AGBL3: variants seen among roughly 807,000 people sequenced by gnomAD.
The protein encoded by AGBL3 is cytosolic carboxypeptidase 3.
A neutral mutation model predicts 94.5 loss-of-function variants in AGBL3; 68 were observed. The ratio of observed to expected loss-of-function variants is 0.72; its 90% CI spans 0.59 to 0.88. The LOEUF is 0.88. Ranked by LOEUF, AGBL3 falls within the 40% of genes least tolerant of loss-of-function variation. The pLI is 0.00. For missense variants in AGBL3, 934 were observed against 1,103.8 expected, an observed-to-expected ratio of 0.85 and a Z score of 2.18; for synonymous variants, 354 against 370.7, an observed-to-expected ratio of 0.95 and a Z score of 0.52.
rs527278360 is a variant in AGBL3, at chr7:135,127,338, C to T, written c.2343-7503C>T. ...TTGGGAGGCCAGGGTGGGTGGATCA[C>T]GAGGTCAGAATATCGAGACCATCCT... On this transcript the variant is annotated intron_variant, in intron 16 of 16. Transcript: ENST00000436302. Among the ~76,000 whole-genome samples, 85 of 151,756 alleles carry T rather than the reference C, an allele frequency of 5.6e-4. 1 individual carries two copies. In the South Asian group the frequency reaches 6.6e-3, roughly 12 times the overall value.
At chr7:135,059,476 A>G (rs929127278) in intron 12 of AGBL3, among the ~76,000 whole-genome samples, 1 of 152,256 alleles carries the variant, frequency 6.6e-6, no homozygotes, top group Non-Finnish European at 1.5e-5. Flanking sequence ...CTTAAAAGCC[A>G]TACAACTTGT....
chr7:135,053,561 C>T (rs988767165), intron 11 of AGBL3, among the ~76,000 whole-genome samples: 2 of 152,070 alleles, frequency 1.3e-5, no homozygotes, highest in Non-Finnish European at 2.9e-5. Context: ...GAGCTGAGAT[C>T]GTGCCATTGC....
intron 16 of AGBL3, among the ~76,000 whole-genome samples, chr7:135,126,771 G>T (rs1827931922): frequency 6.6e-6 from 1 of 152,184 alleles, no homozygotes; most frequent in Non-Finnish European, 1.5e-5. Context: ...AATGGGGAAA[G>T]GATTCCCTGT....
chr7:135,072,040 T>G (rs963903158), intron 12 of AGBL3, among the ~76,000 whole-genome samples: 2 of 152,040 alleles, frequency 1.3e-5, no homozygotes, highest in Non-Finnish European at 2.9e-5. Context: ...ATCCAAAATC[T>G]ACAATGAACT....
intron 4 of AGBL3, among the ~76,000 whole-genome samples, chr7:135,000,041 T>C (rs1811518763): frequency 1.3e-5 from 2 of 152,228 alleles, no homozygotes; most frequent in Admixed American, 6.5e-5. Flanking sequence ...AGAGACCTCC[T>C]GCACATGAAC....
At chr7:135,027,641 A>C (rs1165267591) in intron 5 of AGBL3, among the ~76,000 whole-genome samples, 2 of 151,588 alleles carry the variant, frequency 1.3e-5, no homozygotes, top group Non-Finnish European at 1.5e-5. Flanking sequence ...GGGCATTCTC[A>C]ATGAATATAG....
intron 15 of AGBL3, among the ~76,000 whole-genome samples, chr7:135,083,462 T>C (rs1421596480): frequency 1.3e-5 from 2 of 152,268 alleles, no homozygotes; most frequent in African/African-American, 4.8e-5. Context: ...ATTTCAAGAA[T>C]AGTAAAAAAA....
chr7:135,100,296 C>A (rs1823632467), intron 15 of AGBL3, among the ~76,000 whole-genome samples: 2 of 151,876 alleles, frequency 1.3e-5, no homozygotes, highest in South Asian at 4.2e-4. Flanking sequence ...GAGCACTGGT[C>A]ATGGGGGGAT....
At chr7:135,004,068 T>A (rs1455240715) in intron 4 of AGBL3, among the ~76,000 whole-genome samples, 2 of 151,730 alleles carry the variant, frequency 1.3e-5, no homozygotes, top group Non-Finnish European at 3.0e-5. Flanking sequence ...TGGCTTCTGG[T>A]TTAAAATAAA....
intron 11 of AGBL3, among the ~76,000 whole-genome samples, chr7:135,046,114 G>C (rs1049248483): frequency 6.6e-6 from 1 of 152,108 alleles, no homozygotes; most frequent in African/African-American, 2.4e-5. Context: ...GCTATGTACA[G>C]TGTACTGTGA....
chr7:135,057,081 A>G (rs569599044), intron 11 of AGBL3, among the ~76,000 whole-genome samples: 1 of 152,264 alleles, frequency 6.6e-6, no homozygotes, highest in South Asian at 2.1e-4. Flanking sequence ...TATATCCAAT[A>G]TATTTGTCAC....
intron 4 of AGBL3, among the ~76,000 whole-genome samples, chr7:135,014,889 T>C (rs1487268748): frequency 6.6e-6 from 1 of 152,230 alleles, no homozygotes; most frequent in Non-Finnish European, 1.5e-5. Context: ...CAGTGTTTTT[T>C]CACAGCTCGA....
At chr7:135,027,204 T>C (rs924784592) in intron 5 of AGBL3, among the ~76,000 whole-genome samples, 4 of 151,368 alleles carry the variant, frequency 2.6e-5, no homozygotes, top group Admixed American at 2.6e-4. Context: ...CGCACCACCA[T>C]GTTCGGCTAA....
Position 135,045,566 on chromosome 7 carries a change from C to T in AGBL3, c.1720C>T (p.Arg574Trp), listed in dbSNP as rs12112868. Residue 574 changes from arginine to tryptophan, a missense_variant, in exon 10 of 17, where the codon CGG becomes TGG. This residue lies in a region of AGBL3 where 441 missense variants were observed against 518.2 expected (regional missense o/e 0.85). Transcript: ENST00000436302. Reference sequence around the variant, plus strand: ...TCTCTTGGATTATTGTGATCCCGACCGGACCAAGGTAAGCAAAGTCCATTT... The same window carrying T: ...TCTCTTGGATTATTGTGATCCCGACTGGACCAAGGTAAGCAAAGTCCATTT... Reference protein sequence around the residue: ...DSLLDYCDPDRTKYYRCLKEL... With the variant: ...DSLLDYCDPDWTKYYRCLKEL... 4.1e-4 allele frequency: 639 copies of T among 1,550,692 alleles called. 3 individuals carry two copies. In the African/African-American group the frequency reaches 7.0e-3, roughly 17 times the overall value.
At chr7:135,029,233 T>C (rs1420883846) in intron 5 of AGBL3, among the ~76,000 whole-genome samples, 3 of 152,196 alleles carry the variant, frequency 2.0e-5, no homozygotes, top group African/African-American at 7.2e-5. Context: ...AAGCAGGGCA[T>C]TGACTTGACT....
chr7:135,034,941 T>G lies in AGBL3; in HGVS notation c.1337+13T>G. On this transcript the variant is annotated intron_variant, in intron 7 of 16. Coordinates refer to ENST00000436302, the MANE Select transcript of AGBL3 (RefSeq NM_178563.4). ...ACATGGTTCATAGGTAAAATAAGCC[T>G]CAAATTACCTCTGTGCTTATTTAGT... 1 of 1,469,530 alleles carries G rather than the reference T, an allele frequency of 6.8e-7. No individual in the cohort carries two copies. Among genetic ancestry groups the G allele is most frequent in the Non-Finnish European group, 9.0e-7 (1 of 1,112,548 alleles). The allele number at this position is 1,469,530 out of a possible 1,614,324, so 91.0% of individuals were successfully genotyped here. A position where few individuals can be genotyped will look rare whatever the true frequency, so the allele number is the denominator to read the frequency against.
rs1825670392 is a variant in AGBL3 at position 135,111,731 on chromosome 7, G to A, written c.2111-3649G>A. 2.0e-5 allele frequency among the ~76,000 whole-genome samples: 3 copies of A among 152,140 alleles called. No individual in the cohort carries two copies. The South Asian group carries it at 6.2e-4, about 32-fold the overall frequency. ...AAATATGTGAAGAGGAGCCCATGTA[G>A]GACATCACCTCTGCCTAAATTTTAA... On this transcript the variant is annotated intron_variant, in intron 15 of 16. Coordinates refer to ENST00000436302, the MANE Select transcript of AGBL3 (RefSeq NM_178563.4).
intron 15 of AGBL3, chr7:135,101,397 A>T (rs1823808137): frequency 2.8e-6 from 1 of 362,590 alleles, no homozygotes; most frequent in African/African-American, 2.1e-5. Context: ...AAAGGATGAG[A>T]TTGATAGCTA....
chr7:135,041,632 G>A (rs139539262), intron 8 of AGBL3, among the ~76,000 whole-genome samples: 3,611 of 97,654 alleles, frequency 0.037, 69 homozygotes, highest in Middle Eastern at 0.17. Flanking sequence ...TTATGACATG[G>A]AATTAGACAA....
Sources: gnomAD v4.1 joint callset for allele counts (sites outside exome capture counted in the v4.1 genomes callset) on GRCh38, gnomAD v4.1.1 for gene constraint, gnomAD v4.1.1 regional missense constraint, MANE v1.5 for transcripts, NCBI Gene and HGNC (gene_info 2026-07-23, HGNC 2026-07-21) for gene names.